The following CACNA2D3 variants were observed in gnomAD, a reference collection of about 807,000 sequenced individuals.
CACNA2D3 encodes voltage-dependent calcium channel subunit alpha-2/delta-3.
Under a neutral mutation model 160.6 loss-of-function variants are expected in CACNA2D3, and 60 were observed. The observed-to-expected ratio is 0.37, with a 90% confidence interval of 0.30 to 0.46. The LOEUF (loss-of-function observed/expected upper bound fraction) is 0.46. Among genes scored for constraint, CACNA2D3 ranks in the 20% least tolerant of loss-of-function variants. CACNA2D3 has a pLI of 1.00. For missense variants in CACNA2D3, 1,205 were observed against 1,365.0 expected (o/e 0.88, Z 1.85); for synonymous variants, 558 against 492.9 (o/e 1.13, Z -1.75).
chr3:54,346,960 A>G (rs550115686), intron 3 of CACNA2D3, among the ~76,000 whole-genome samples: 94 of 152,366 alleles, frequency 6.2e-4, no homozygotes, highest in African/African-American at 2.1e-3. Context: ...TGAGTATACA[A>G]TTGTAAGCAT....
intron 2 of CACNA2D3, among the ~76,000 whole-genome samples, chr3:54,191,911 A>C (rs987099498): frequency 3.9e-5 from 6 of 152,322 alleles, no homozygotes; most frequent in African/African-American, 1.2e-4. Flanking sequence ...TAACAACACC[A>C]AATCCACTGT....
At chr3:54,811,490 T>C (rs865824804) in intron 13 of CACNA2D3, among the ~76,000 whole-genome samples, 2 of 114,940 alleles carry the variant, frequency 1.7e-5, no homozygotes, top group African/African-American at 3.4e-5. Context: ...TTTTTTTTTT[T>C]TTTTTTTTTT....
intron 27 of CACNA2D3, among the ~76,000 whole-genome samples, chr3:54,937,657 A>C (rs1701364007): frequency 6.6e-6 from 1 of 152,208 alleles, no homozygotes; most frequent in African/African-American, 2.4e-5. Flanking sequence ...AGGTGAGGGC[A>C]GGCATCCCAA....
intron 8 of CACNA2D3, among the ~76,000 whole-genome samples, chr3:54,579,555 C>T (rs1162710577): frequency 2.0e-5 from 3 of 152,210 alleles, no homozygotes; most frequent in Admixed American, 2.0e-4. Flanking sequence ...GCAGGGCAGC[C>T]TATGAAAGGT....
intron 2 of CACNA2D3, among the ~76,000 whole-genome samples, chr3:54,124,164 A>G (rs1248230232): frequency 3.3e-5 from 5 of 152,236 alleles, no homozygotes; most frequent in African/African-American, 7.2e-5. Context: ...GCCGGGTAAT[A>G]ACCTATGAGA....
chr3:55,074,390 CTATCAT>C lies in CACNA2D3; in HGVS notation c.*185_*190del. On this transcript the variant is annotated 3_prime_UTR_variant, in exon 38 of 38. Coordinates refer to ENST00000474759, the MANE Select transcript of CACNA2D3 (RefSeq NM_018398.3). ...TAAAGATATGTTGACAAAAAGTTATCTATCATCTTTTTACTTTGCCAGTCATGCAAA... is the reference window on the plus strand; with the variant it reads ...TAAAGATATGTTGACAAAAAGTTATCCTTTTTACTTTGCCAGTCATGCAAA... The C allele has an allele frequency of 2.0e-6, 1 of 497,504 alleles. No individual in the cohort carries two copies. Among genetic ancestry groups the C allele is most frequent in the South Asian group, 2.5e-5 (1 of 40,810 alleles). 30.8% of individuals were successfully genotyped at this position (497,504 alleles called of 1,614,324 possible).
intron 4 of CACNA2D3, among the ~76,000 whole-genome samples, chr3:54,439,422 G>C (rs1466438895): frequency 6.6e-6 from 1 of 152,126 alleles, no homozygotes; most frequent in Non-Finnish European, 1.5e-5. Context: ...GAAGAAGAGA[G>C]TTCTTAGCAA....
intron 4 of CACNA2D3, among the ~76,000 whole-genome samples, chr3:54,429,199 G>A (rs940872451): frequency 6.6e-6 from 1 of 152,118 alleles, no homozygotes; most frequent in East Asian, 1.9e-4. Flanking sequence ...CCAGAGCATG[G>A]CTAATATGGG....
intron 3 of CACNA2D3, among the ~76,000 whole-genome samples, chr3:54,364,898 A>G (rs1698803465): frequency 6.6e-6 from 1 of 152,120 alleles, no homozygotes; most frequent in African/African-American, 2.4e-5. Flanking sequence ...AACATATTGA[A>G]CTCCTCTTGT....
intron 27 of CACNA2D3, among the ~76,000 whole-genome samples, chr3:54,944,053 G>A (rs937723054): frequency 2.6e-5 from 4 of 152,102 alleles, no homozygotes; most frequent in African/African-American, 9.7e-5. Context: ...GAATTTTGAA[G>A]GCATTGCTCC....
intron 35 of CACNA2D3, among the ~76,000 whole-genome samples, chr3:55,056,602 C>A (rs1179961972): frequency 6.6e-6 from 1 of 152,052 alleles, no homozygotes; most frequent in African/African-American, 2.4e-5. Context: ...AGTATAAGCG[C>A]ACAATGGAAT....
chr3:54,434,884 A>G (rs1700038840), intron 4 of CACNA2D3, among the ~76,000 whole-genome samples: 1 of 152,158 alleles, frequency 6.6e-6, no homozygotes, highest in African/African-American at 2.4e-5. Context: ...AGGCGGCCTT[A>G]TCTTTAGGGT....
At chr3:54,378,762 C>T (rs1055029433) in intron 3 of CACNA2D3, among the ~76,000 whole-genome samples, 1 of 152,192 alleles carries the variant, frequency 6.6e-6, no homozygotes, top group Non-Finnish European at 1.5e-5. Context: ...GTTGTCTCTT[C>T]TTCATACCTC....
chr3:54,401,167 A>T (rs1699456070), intron 4 of CACNA2D3, among the ~76,000 whole-genome samples: 1 of 152,118 alleles, frequency 6.6e-6, no homozygotes, highest in Admixed American at 6.5e-5. Flanking sequence ...GAACTTGATG[A>T]TAGGTCTTTT....
At chr3:54,816,832 T>G in intron 13 of CACNA2D3, 21 bp from the exon 14 acceptor site, 2 of 1,611,876 alleles carry the variant, frequency 1.2e-6, no homozygotes, top group Non-Finnish European at 8.5e-7. Context: ...TTTTTTGTTT[T>G]GTTTTGTTTT....
At chr3:54,757,490 A>T (rs543283533) in intron 12 of CACNA2D3, among the ~76,000 whole-genome samples, 39 of 152,348 alleles carry the variant, frequency 2.6e-4, no homozygotes, top group African/African-American at 9.1e-4. Flanking sequence ...CGGAATGGTC[A>T]TAGGCGACAG....
chr3:54,266,712 G>A (rs902484261), intron 2 of CACNA2D3, among the ~76,000 whole-genome samples: 79 of 152,248 alleles, frequency 5.2e-4, no homozygotes, highest in African/African-American at 1.8e-3. Context: ...AGCAGGTGAT[G>A]TATGCCCTTT....
chr3:54,160,740 A>G (rs142721299), intron 2 of CACNA2D3, among the ~76,000 whole-genome samples: 15 of 152,324 alleles, frequency 9.8e-5, no homozygotes, highest in East Asian at 1.9e-4. Context: ...CGTTGTTTCA[A>G]GTTTTCTGTG....
intron 35 of CACNA2D3, among the ~76,000 whole-genome samples, chr3:55,040,937 GT>G (rs1703947107): frequency 6.6e-6 from 1 of 152,062 alleles, no homozygotes; most frequent in African/African-American, 2.4e-5. Context: ...TTGGTAGTTG[GT>G]TTAGCTTTTT....
Sources: gnomAD v4.1 joint callset for allele counts (sites outside exome capture counted in the v4.1 genomes callset) on GRCh38, gnomAD v4.1.1 for gene constraint, MANE v1.5 for transcripts, NCBI Gene and HGNC (gene_info 2026-07-23, HGNC 2026-07-21) for gene names.